Variants in KCNH7 observed in about 807,000 individuals in gnomAD.
KCNH7 encodes voltage-gated inwardly rectifying potassium channel KCNH7.
A neutral mutation model predicts 120.8 loss-of-function variants in KCNH7; 49 were observed. That is an observed-to-expected ratio of 0.41 (90% CI 0.32 to 0.51). KCNH7 has a LOEUF of 0.51. Among genes scored for constraint, KCNH7 ranks in the 20% least tolerant of loss-of-function variants. KCNH7 has a pLI of 0.38. For synonymous variants in KCNH7, 547 were observed against 516.1 expected (o/e 1.06, Z -0.81); for missense variants, 1,097 against 1,446.6 (o/e 0.76, Z 3.92).
intron 3 of KCNH7, among the ~76,000 whole-genome samples, chr2:162,519,443 G>T (rs1296575415): frequency 6.6e-6 from 1 of 151,730 alleles, no homozygotes; most frequent in African/African-American, 2.4e-5. Context: ...CATATATGTT[G>T]CATAAAAGCT....
intron 2 of KCNH7, among the ~76,000 whole-genome samples, chr2:162,574,612 A>G (rs550100033): frequency 6.6e-6 from 1 of 152,094 alleles, no homozygotes; most frequent in Non-Finnish European, 1.5e-5. Flanking sequence ...TATGAATGCC[A>G]CTGGCACTTT....
At chr2:162,812,955 G>A (rs1034089422) in intron 2 of KCNH7, among the ~76,000 whole-genome samples, 5 of 152,086 alleles carry the variant, frequency 3.3e-5, no homozygotes, top group African/African-American at 1.2e-4. Context: ...GGAACTTGAG[G>A]ATGAAGAATG....
At chr2:162,735,649 C>A (rs911323776) in intron 2 of KCNH7, among the ~76,000 whole-genome samples, 1 of 152,104 alleles carries the variant, frequency 6.6e-6, no homozygotes, top group Non-Finnish European at 1.5e-5. Context: ...GATTTCATCC[C>A]CAGCCAAATA....
chr2:162,622,296 G>C (rs572637724), intron 2 of KCNH7, among the ~76,000 whole-genome samples: 1 of 152,306 alleles, frequency 6.6e-6, no homozygotes, highest in South Asian at 2.1e-4. Flanking sequence ...TGATATGGAG[G>C]CTTCGCTTTT....
intron 2 of KCNH7, among the ~76,000 whole-genome samples, chr2:162,596,138 G>A (rs866809385): frequency 4.6e-5 from 7 of 151,830 alleles, no homozygotes; most frequent in African/African-American, 9.7e-5. Context: ...TTATCCAAAC[G>A]GATCTATAGA....
intron 2 of KCNH7, among the ~76,000 whole-genome samples, chr2:162,824,640 T>C (rs1227947114): frequency 1.3e-5 from 2 of 152,088 alleles, no homozygotes; most frequent in African/African-American, 4.8e-5. Context: ...GGAATAAATT[T>C]AGCAGTTTAT....
chr2:162,708,856 C>T (rs891138935), intron 2 of KCNH7, among the ~76,000 whole-genome samples: 19 of 152,124 alleles, frequency 1.2e-4, no homozygotes, highest in Admixed American at 2.6e-4. Context: ...CCAGATGACA[C>T]AGCTATGATG....
chr2:162,699,192 T>C (rs1005865859), intron 2 of KCNH7, among the ~76,000 whole-genome samples: 4 of 152,098 alleles, frequency 2.6e-5, no homozygotes, highest in Non-Finnish European at 5.9e-5. Flanking sequence ...CTTATGTAAC[T>C]GAAATTCTGT....
intron 2 of KCNH7, among the ~76,000 whole-genome samples, chr2:162,804,570 A>G (rs779992350): frequency 5.3e-5 from 8 of 152,092 alleles, no homozygotes; most frequent in Non-Finnish European, 1.2e-4. Context: ...AAGTAGAACT[A>G]CAAAGCACTG....
intron 6 of KCNH7, among the ~76,000 whole-genome samples, chr2:162,461,315 A>G (rs935401789): frequency 6.6e-6 from 1 of 152,184 alleles, no homozygotes; most frequent in Non-Finnish European, 1.5e-5. Flanking sequence ...AATCTCCCTG[A>G]GTGTCAATTT....
intron 2 of KCNH7, among the ~76,000 whole-genome samples, chr2:162,685,107 A>G (rs1685842070): frequency 6.6e-6 from 1 of 152,134 alleles, no homozygotes; most frequent in Admixed American, 6.6e-5. Context: ...CAGAAAACCA[A>G]ACGCCACATA....
rs74979276 is a variant in KCNH7, at chr2:162,767,728, T to C, written c.307+68809A>G. On this transcript the variant is annotated intron_variant, in intron 2 of 15. Transcript: ENST00000332142. ...AGTTTTATCATATCCCACTGACCTG[T>C]ATATTCATGGGTGAATACTTCATAG... Among the ~76,000 whole-genome samples, 89 of 152,218 alleles carry C rather than the reference T, an allele frequency of 5.8e-4. 1 individual carries two copies. In the East Asian group the frequency reaches 0.017, roughly 28 times the overall value.
chr2:162,644,843 A>G (rs1684293880), intron 2 of KCNH7, among the ~76,000 whole-genome samples: 1 of 152,154 alleles, frequency 6.6e-6, no homozygotes. Context: ...GACTATATTT[A>G]ACACACTGCT....
In KCNH7 at chr2:162,371,722, A is replaced by C; in HGVS notation, c.*107T>G. On this transcript the variant is annotated 3_prime_UTR_variant, in exon 16 of 16. Coordinates refer to ENST00000332142, the MANE Select transcript of KCNH7 (RefSeq NM_033272.4). ...AAAATATACAGTACTTTTGCATATAATGGTACCTTGTGAGCCCCTGAGTCA... is the reference window on the plus strand; with the variant it reads ...AAAATATACAGTACTTTTGCATATACTGGTACCTTGTGAGCCCCTGAGTCA... 3.7e-6 allele frequency: 4 copies of C among 1,084,110 alleles called. No individual in the cohort carries two copies. The highest frequency in any genetic ancestry group is 5.2e-6 in the Non-Finnish European group (4 of 765,850). The allele number at this position is 1,084,110 out of a possible 1,614,324, so 67.2% of individuals were successfully genotyped here.
intron 2 of KCNH7, among the ~76,000 whole-genome samples, chr2:162,825,381 G>A (rs1234765850): frequency 6.6e-6 from 1 of 151,814 alleles, no homozygotes; most frequent in Non-Finnish European, 1.5e-5. Flanking sequence ...AACAAAAATT[G>A]AATTGGATCA....
At chr2:162,500,358 A>C (rs1690642092) in intron 6 of KCNH7, among the ~76,000 whole-genome samples, 1 of 75,432 alleles carries the variant, frequency 1.3e-5, no homozygotes, top group Admixed American at 2.1e-4. Flanking sequence ...TATATAGTAT[A>C]TAGTATATAA....
intron 2 of KCNH7, among the ~76,000 whole-genome samples, chr2:162,735,280 G>A (rs1687862160): frequency 6.6e-6 from 1 of 152,140 alleles, no homozygotes; most frequent in Non-Finnish European, 1.5e-5. Flanking sequence ...AAACTCTGAG[G>A]CAAAGGAAAT....
rs527615686 is a variant in KCNH7 at position 162,420,078 on chromosome 2, C to CA, written c.2154+3257dup. On this transcript the variant is annotated intron_variant, in intron 9 of 15. Transcript: ENST00000332142. ...GCTATTCCTAATATGAGATCATACTCAAAAAAACACAATCTAGGCCAGGCA... is the reference window on the plus strand; with the variant it reads ...GCTATTCCTAATATGAGATCATACTCAAAAAAAACACAATCTAGGCCAGGCA... 3.8e-3 allele frequency among the ~76,000 whole-genome samples: 585 copies of CA among 152,070 alleles called. 6 individuals carry two copies. Among genetic ancestry groups the CA allele is most frequent in the African/African-American group, 0.014 (565 of 41,470 alleles).
At chr2:162,435,029 A>G (rs74591695) in intron 8 of KCNH7, among the ~76,000 whole-genome samples, 169 bp downstream of exon 8, 4,513 of 152,164 alleles carry the variant, frequency 0.03, 226 homozygotes, top group African/African-American at 0.1. Flanking sequence ...TGGTGTCTCT[A>G]CTTCACAGAG....
Sources: allele counts gnomAD v4.1 joint callset (sites outside exome capture counted in the v4.1 genomes callset), GRCh38; gene constraint gnomAD v4.1.1; transcripts MANE v1.5; gene names NCBI Gene and HGNC (gene_info 2026-07-23, HGNC 2026-07-21).